PRKAR2A: variants seen among roughly 807,000 people sequenced by gnomAD.
The protein encoded by PRKAR2A is protein kinase cAMP-dependent type II regulatory subunit alpha.
In PRKAR2A, 29 loss-of-function variants were observed where a neutral mutation model predicts 51.9. The ratio of observed to expected loss-of-function variants is 0.56; its 90% confidence interval spans 0.42 to 0.76. The LOEUF (loss-of-function observed/expected upper bound fraction) is 0.76. Ranked by LOEUF, PRKAR2A falls within the 30% of genes least tolerant of loss-of-function variation. The pLI is 0.00. For synonymous variants in PRKAR2A, 178 were observed against 186.2 expected, an observed-to-expected ratio of 0.96 and a Z score of 0.36; for missense variants, 445 against 512.1, an observed-to-expected ratio of 0.87 and a Z score of 1.26.
intron 2 of PRKAR2A, among the ~76,000 whole-genome samples, chr3:48,801,183 G>A (rs923827446): frequency 6.6e-6 from 1 of 151,812 alleles, no homozygotes; most frequent in Non-Finnish European, 1.5e-5. Flanking sequence ...ACGGAATTTC[G>A]CTCTTGTTGC....
intron 3 of PRKAR2A, among the ~76,000 whole-genome samples, chr3:48,791,903 CAAAAAAAAAAAAA>C (rs1177374619): frequency 1.9e-4 from 8 of 41,882 alleles, no homozygotes; most frequent in African/African-American, 9.3e-4. Flanking sequence ...AACTCTGTCT[CAAAAAAAAAAAAA>C]AAAAAAAAAA....
chr3:48,840,973 C>T (rs990577623), intron 1 of PRKAR2A, among the ~76,000 whole-genome samples: 2 of 149,348 alleles, frequency 1.3e-5, no homozygotes, highest in African/African-American at 2.5e-5. Context: ...CCTCCACCTC[C>T]TGGGTTCAAA....
At chr3:48,838,564 A>T (rs535817885) in intron 1 of PRKAR2A, among the ~76,000 whole-genome samples, 9 of 151,280 alleles carry the variant, frequency 5.9e-5, no homozygotes, top group Non-Finnish European at 1.0e-4. Flanking sequence ...CTGAGATCTC[A>T]CCACTGCACT....
chr3:48,840,916 T>TC, intron 1 of PRKAR2A, among the ~76,000 whole-genome samples: 1 of 114,738 alleles, frequency 8.7e-6, no homozygotes, highest in African/African-American at 3.4e-5. Context: ...AGTTTCGCTC[T>TC]TGTTGCCCAG....
intron 1 of PRKAR2A, among the ~76,000 whole-genome samples, chr3:48,845,746 A>G (rs1185901703): frequency 8.5e-5 from 13 of 152,174 alleles, no homozygotes; most frequent in Non-Finnish European, 1.9e-4. Flanking sequence ...CAGGAGTTCA[A>G]GACCAGCCTG....
intron 9 of PRKAR2A, among the ~76,000 whole-genome samples, chr3:48,755,196 C>T (rs947790809): frequency 5.3e-5 from 8 of 151,830 alleles, no homozygotes; most frequent in Non-Finnish European, 2.9e-5. Context: ...CAGGGTTTCA[C>T]TGTGTTAGCC....
intron 1 of PRKAR2A, among the ~76,000 whole-genome samples, chr3:48,836,351 G>T (rs540378859): frequency 6.9e-6 from 1 of 145,854 alleles, no homozygotes; most frequent in African/African-American, 2.6e-5. Context: ...CCCAGGAGGC[G>T]GAGGTTGCAG....
At chr3:48,823,435 G>A (rs962374830) in intron 1 of PRKAR2A, among the ~76,000 whole-genome samples, 3 of 151,316 alleles carry the variant, frequency 2.0e-5, no homozygotes, top group Admixed American at 6.6e-5. Flanking sequence ...TGCTTGGTGT[G>A]TGGAGGAAAA....
At chr3:48,811,354 T>A (rs9311431) in intron 1 of PRKAR2A, among the ~76,000 whole-genome samples, 128,127 of 152,098 alleles carry the variant, frequency 0.84, 54,636 homozygotes, top group East Asian at 1. Context: ...TAATGCCTGT[T>A]GTCACAGCTA....
In PRKAR2A at chr3:48,847,643, C is replaced by G; in HGVS notation, c.-47G>C. 1 of 1,401,424 alleles carries G rather than the reference C, an allele frequency of 7.1e-7. No homozygotes were observed. Among genetic ancestry groups the G allele is most frequent in the Non-Finnish European group, 9.2e-7 (1 of 1,083,232 alleles). The allele number at this position is 1,401,424 out of a possible 1,614,324, so 86.8% of individuals were successfully genotyped here. ...AGACGGGTTGGGCCGCCGGCGGCCA[C>G]TGTCTCCGCGCTCACTCACGCCGGC... is the stretch of plus-strand genomic sequence containing the variant. On this transcript the variant is annotated 5_prime_UTR_variant, in exon 1 of 11. Coordinates refer to ENST00000265563, the MANE Select transcript of PRKAR2A (RefSeq NM_004157.4). This position sits in a 1 kb window ranked among gnomAD's most constrained non-coding sequence, Gnocchi z 4.4.
At chr3:48,772,684 A>AG (rs769045084) in intron 6 of PRKAR2A, among the ~76,000 whole-genome samples, 12 of 152,132 alleles carry the variant, frequency 7.9e-5, no homozygotes, top group Non-Finnish European at 1.8e-4. Context: ...TGTGTCGCCC[A>AG]GGCTGGAGTA....
intron 9 of PRKAR2A, among the ~76,000 whole-genome samples, chr3:48,755,211 T>A (rs2081740692): frequency 6.6e-6 from 1 of 151,938 alleles, no homozygotes; most frequent in South Asian, 2.1e-4. Context: ...TTAGCCAGGA[T>A]GGTCTCAATC....
intron 3 of PRKAR2A, among the ~76,000 whole-genome samples, chr3:48,792,122 G>A (rs1433033290): frequency 1.3e-5 from 2 of 151,614 alleles, no homozygotes; most frequent in East Asian, 3.9e-4. Flanking sequence ...TGATTTAAGG[G>A]TAACATAATA....
At position 48,747,243 on chromosome 3, in the gene PRKAR2A, A is replaced by T. The variant is rs888359236; in HGVS notation, c.*4342T>A. The T allele has an allele frequency of 2.5e-4, 38 of 152,172 alleles. 1 individual carries two copies. The highest frequency in any genetic ancestry group is 2.5e-3 in the Admixed American group (38 of 15,266). 9.4% of individuals were successfully genotyped at this position (152,172 alleles called of 1,614,324 possible). ...CTTGGCAAGATTGGTTTACAAGTTC[A>T]TGACAAGAACAAAAATTCCAACATC... On this transcript the variant is annotated 3_prime_UTR_variant, in exon 11 of 11. Transcript: ENST00000265563.
At position 48,847,279 on chromosome 3, in the gene PRKAR2A, C is replaced by T; in HGVS notation, c.262+56G>A. 1 of 1,591,344 alleles carries T rather than the reference C, an allele frequency of 6.3e-7. No individual in the cohort carries two copies. The highest frequency in any genetic ancestry group is 1.1e-5 in the South Asian group (1 of 89,050). Reference sequence around the variant, plus strand: ...CGCGACACCTGGCTCCCTGCCACCCCTCTAGACCTCTGGAGACCTCCTGCA... The same window carrying T: ...CGCGACACCTGGCTCCCTGCCACCCTTCTAGACCTCTGGAGACCTCCTGCA... On this transcript the variant is annotated intron_variant, in intron 1 of 10. Transcript: ENST00000265563. This position sits in a 1 kb window ranked among gnomAD's most constrained non-coding sequence, Gnocchi z 4.4.
At chr3:48,794,109 A>G (rs1233251717) in intron 2 of PRKAR2A, 60 bp from the exon 3 acceptor site, 33 of 1,315,660 alleles carry the variant, frequency 2.5e-5, no homozygotes, top group Non-Finnish European at 3.2e-5. Context: ...GCTTTAGGAA[A>G]AATAGGAAGT....
intron 10 of PRKAR2A, among the ~76,000 whole-genome samples, 191 bp from the exon 11 acceptor site, chr3:48,751,909 G>T (rs1207169939): frequency 6.6e-6 from 1 of 152,168 alleles, no homozygotes; most frequent in Non-Finnish European, 1.5e-5. Flanking sequence ...GAGTCCAGCA[G>T]CTCCTGTTCT....
intron 5 of PRKAR2A, among the ~76,000 whole-genome samples, chr3:48,777,257 T>C (rs1010843057): frequency 6.6e-6 from 1 of 152,196 alleles, no homozygotes; most frequent in Non-Finnish European, 1.5e-5. Context: ...AACCTTTTCA[T>C]ACCCTTTTAC....
chr3:48,752,916 CTTTTTTTTTTTTTTTTT>C (rs59163654), intron 9 of PRKAR2A, among the ~76,000 whole-genome samples: 24 of 47,548 alleles, frequency 5.0e-4, no homozygotes, highest in South Asian at 1.1e-3. Context: ...TTCCCTCCTC[CTTTTTTTTTTTTTTTTT>C]TTTTTTTTTT....
Sources: allele counts gnomAD v4.1 joint callset (sites outside exome capture counted in the v4.1 genomes callset), GRCh38; gene constraint gnomAD v4.1.1; non-coding constraint Gnocchi (gnomAD v3.1); transcripts MANE v1.5; gene names NCBI Gene and HGNC (gene_info 2026-07-23, HGNC 2026-07-21).